LRRC69: variants seen among roughly 807,000 people sequenced by gnomAD.
LRRC69 encodes leucine-rich repeat-containing protein 69.
In LRRC69, 42 loss-of-function variants were observed where a neutral mutation model predicts 37.8. The observed-to-expected ratio is 1.11, with a 90% CI of 0.87 to 1.44. The LOEUF (loss-of-function observed/expected upper bound fraction) is 1.44. Ranked by LOEUF, LRRC69 falls within the 40% of genes most tolerant of loss-of-function variation. LRRC69 has a pLI of 0.00. For missense variants in LRRC69, 357 were observed against 401.9 expected (o/e 0.89, Z 0.96); for synonymous variants, 141 against 143.1 (o/e 0.99, Z 0.11).
chr8:91,201,877 C>G (rs1485318658), intron 7 of LRRC69, among the ~76,000 whole-genome samples: 1 of 152,078 alleles, frequency 6.6e-6, no homozygotes, highest in East Asian at 1.9e-4. Flanking sequence ...CTAGGGCTGA[C>G]CTAACGAAGT....
chr8:91,193,081 C>T (rs1326838785), intron 6 of LRRC69, among the ~76,000 whole-genome samples: 40 of 145,734 alleles, frequency 2.7e-4, no homozygotes, highest in South Asian at 4.5e-4. Context: ...GCCAGTTTTC[C>T]CAGCACCATT....
At chr8:91,151,040 C>T (rs1156560147) in intron 5 of LRRC69, among the ~76,000 whole-genome samples, 2 of 151,826 alleles carry the variant, frequency 1.3e-5, no homozygotes, top group Non-Finnish European at 2.9e-5. Flanking sequence ...AAACCAGCTC[C>T]TGGATTCATT....
chr8:91,150,608 T>C (rs182620834), intron 5 of LRRC69, among the ~76,000 whole-genome samples: 12 of 152,144 alleles, frequency 7.9e-5, no homozygotes, highest in Middle Eastern at 3.4e-3. Flanking sequence ...ATAAAATGAG[T>C]TAGGGAGGAT....
intron 7 of LRRC69, 96 bp from the exon 8 acceptor site, chr8:91,218,794 C>A: frequency 2.8e-6 from 2 of 724,230 alleles, no homozygotes; most frequent in African/African-American, 1.8e-5. Flanking sequence ...CTTTAGAAGT[C>A]AATGTTCTGA....
intron 5 of LRRC69, among the ~76,000 whole-genome samples, chr8:91,171,102 T>A (rs1287366755): frequency 1.3e-5 from 2 of 151,952 alleles, no homozygotes; most frequent in African/African-American, 4.8e-5. Context: ...ATAATTTTTT[T>A]AAAATAGTCA....
At chr8:91,185,534 C>T (rs896291595) in intron 5 of LRRC69, among the ~76,000 whole-genome samples, 7 of 151,972 alleles carry the variant, frequency 4.6e-5, no homozygotes, top group South Asian at 2.1e-4. Flanking sequence ...ATTTTCCCTC[C>T]CTTTCATGCA....
chr8:91,171,050 T>G (rs1809118652), intron 5 of LRRC69, among the ~76,000 whole-genome samples: 1 of 150,974 alleles, frequency 6.6e-6, no homozygotes, highest in South Asian at 2.1e-4. Context: ...CAAACAAATT[T>G]ACAAGAAAAA....
rs187439163 is a variant in LRRC69, at chr8:91,165,019, T to C, written c.652-24503T>C. On this transcript the variant is annotated intron_variant, in intron 5 of 7. Transcript: ENST00000448384. ...ACTCCTATAGGCTCACTTTAGAAAA[T>C]AGAAGTCAAGACTCCTACGAAGGTT... 6.3e-4 allele frequency among the ~76,000 whole-genome samples: 96 copies of C among 151,692 alleles called. 1 individual carries two copies. In the East Asian group the frequency reaches 0.014, roughly 22 times the overall value.
At chr8:91,114,417 C>T (rs1173818863) in intron 1 of LRRC69, among the ~76,000 whole-genome samples, 1 of 150,500 alleles carries the variant, frequency 6.6e-6, no homozygotes, top group Non-Finnish European at 1.5e-5. Context: ...CATCAATGGA[C>T]AAATGAATAA....
chr8:91,128,026 A>C (rs908043763), intron 3 of LRRC69, among the ~76,000 whole-genome samples: 4 of 152,070 alleles, frequency 2.6e-5, no homozygotes, highest in African/African-American at 9.6e-5. Flanking sequence ...TCTAATTTCT[A>C]TAAAAGATAA....
chr8:91,125,375 A>ATT (rs1813699507), intron 2 of LRRC69, among the ~76,000 whole-genome samples: 1 of 151,878 alleles, frequency 6.6e-6, no homozygotes, highest in Admixed American at 6.6e-5. Flanking sequence ...TGCATGCAGC[A>ATT]ATAAATTAGG....
intron 1 of LRRC69, among the ~76,000 whole-genome samples, chr8:91,112,391 G>A (rs1049369251): frequency 6.6e-6 from 1 of 152,014 alleles, no homozygotes; most frequent in African/African-American, 2.4e-5. Flanking sequence ...AAGGAAAAGA[G>A]ATCAGCAGCA....
At chr8:91,191,862 T>C (rs1275757385) in intron 6 of LRRC69, among the ~76,000 whole-genome samples, 4 of 152,182 alleles carry the variant, frequency 2.6e-5, no homozygotes, top group Non-Finnish European at 5.9e-5. Flanking sequence ...TTTATTATTA[T>C]ACTTAAAGTT....
At chr8:91,214,504 G>T (rs1810002293) in intron 7 of LRRC69, among the ~76,000 whole-genome samples, 1 of 152,072 alleles carries the variant, frequency 6.6e-6, no homozygotes, top group African/African-American at 2.4e-5. Flanking sequence ...AAGAGCCTGG[G>T]AATCATACAA....
intron 6 of LRRC69, among the ~76,000 whole-genome samples, chr8:91,192,437 G>A: frequency 6.6e-6 from 1 of 151,580 alleles, no homozygotes; most frequent in Admixed American, 6.6e-5. Context: ...TTCCACAATG[G>A]TTGAACTAGT....
intron 5 of LRRC69, among the ~76,000 whole-genome samples, chr8:91,139,366 C>T (rs1294373930): frequency 6.6e-6 from 1 of 151,876 alleles, no homozygotes; most frequent in Non-Finnish European, 1.5e-5. Flanking sequence ...ACAGTTAAAC[C>T]CCATCTCTAC....
chr8:91,129,564 T>C (rs945168642), intron 3 of LRRC69, among the ~76,000 whole-genome samples: 1 of 151,804 alleles, frequency 6.6e-6, no homozygotes, highest in East Asian at 1.9e-4. Context: ...AAAATGATAA[T>C]AAAAATGATT....
intron 5 of LRRC69, chr8:91,158,273 C>T (rs983022524): frequency 9.8e-6 from 15 of 1,532,494 alleles, no homozygotes; most frequent in African/African-American, 4.1e-5. Flanking sequence ...GATTGTTTGT[C>T]GAAGACATTA....
intron 6 of LRRC69, among the ~76,000 whole-genome samples, chr8:91,194,242 G>A (rs865876431): frequency 4.1e-4 from 60 of 146,856 alleles, no homozygotes; most frequent in African/African-American, 7.9e-4. Flanking sequence ...TGCTGGATTC[G>A]GTTTGCCAGT....
Sources: allele counts gnomAD v4.1 joint callset (sites outside exome capture counted in the v4.1 genomes callset), GRCh38; gene constraint gnomAD v4.1.1; transcripts MANE v1.5; gene names NCBI Gene and HGNC (gene_info 2026-07-23, HGNC 2026-07-21).